Variants in ANK2 observed in about 807,000 individuals in gnomAD.
ANK2 encodes ankyrin-2.
In ANK2, 83 loss-of-function variants were observed where a neutral mutation model predicts 360.5. That is an observed-to-expected ratio of 0.23 (90% CI 0.19 to 0.28). The LOEUF (loss-of-function observed/expected upper bound fraction) is 0.28. Ranked by LOEUF, ANK2 falls within the 10% of genes least tolerant of loss-of-function variation. The pLI, the probability that ANK2 is intolerant of heterozygous loss-of-function variation, is 1.00. For synonymous variants in ANK2, 1,740 were observed against 1,759.5 expected (o/e 0.99, Z 0.28); for missense variants, 4,201 against 4,795.7 (o/e 0.88, Z 3.66).
chr4:112,826,770 C>T, intron 1 of ANK2: 1 of 957,070 alleles, frequency 1.0e-6, no homozygotes, highest in Non-Finnish European at 1.6e-6. Context: ...GCAAATTACT[C>T]TGCCTGGAAA....
chr4:113,380,695 A>G (rs546400490), intron 45 of ANK2, among the ~76,000 whole-genome samples: 2 of 152,330 alleles, frequency 1.3e-5, no homozygotes, highest in African/African-American at 4.8e-5. Flanking sequence ...TTCTCAAGTA[A>G]CCACCAGTCT....
chr4:113,138,453 A>G (rs192455727), intron 1 of ANK2, among the ~76,000 whole-genome samples: 9 of 152,348 alleles, frequency 5.9e-5, no homozygotes, highest in African/African-American at 2.2e-4. Context: ...ATAATAAATC[A>G]GGTTTAATTG....
chr4:113,177,770 C>T (rs2098272109), intron 2 of ANK2, among the ~76,000 whole-genome samples: 1 of 152,178 alleles, frequency 6.6e-6, no homozygotes, highest in African/African-American at 2.4e-5. Context: ...GAGAAGGCAA[C>T]ATGATCTCAT....
chr4:112,842,074 A>G (rs2062211983), intron 1 of ANK2, among the ~76,000 whole-genome samples: 1 of 151,666 alleles, frequency 6.6e-6, no homozygotes, highest in Non-Finnish European at 1.5e-5. Flanking sequence ...CAGTGATATG[A>G]TCTCAGCTCA....
At chr4:112,748,311 T>A in the ANK2 span, among the ~76,000 whole-genome samples, 2 of 152,230 alleles carry the variant, frequency 1.3e-5, no homozygotes, top group Middle Eastern at 3.4e-3. Context: ...ATGGCACAAA[T>A]GAAAAATCAA....
In ANK2 at chr4:113,292,912, G is replaced by A. The variant is rs150684282; in HGVS notation, c.2376+398G>A. On this transcript the variant is annotated intron_variant, in intron 21 of 45. Coordinates refer to ENST00000357077, the MANE Select transcript of ANK2 (RefSeq NM_001148.6). ...GGAGCCATTGAAATGTAAACTAAGC[G>A]GTGCAATTAAACGAACTGGGATCCC... is the stretch of plus-strand genomic sequence containing the variant. The A allele has an allele frequency of 1.7e-5, 6 of 357,974 alleles. No homozygotes were observed. In the East Asian group the frequency reaches 2.1e-4, roughly 13 times the overall value. 22.2% of individuals were successfully genotyped at this position (357,974 alleles called of 1,614,324 possible). A position where few individuals can be genotyped will look rare whatever the true frequency, so the allele number is the denominator to read the frequency against.
chr4:112,897,674 G>A (rs931537207), intron 1 of ANK2, among the ~76,000 whole-genome samples: 1 of 152,102 alleles, frequency 6.6e-6, no homozygotes, highest in African/African-American at 2.4e-5. Context: ...AGCTCTCCAT[G>A]CTGTGCATCT....
intron 1 of ANK2, among the ~76,000 whole-genome samples, chr4:113,072,765 T>TTTTTTTTTTTTTTTTTG (rs142762570): frequency 8.3e-6 from 1 of 121,196 alleles, no homozygotes; most frequent in Non-Finnish European, 1.8e-5. Context: ...TTTTTTTTTT[T>TTTTTTTTTTTTTTTTTG]GCTGTCTTGT....
chr4:113,023,030 T>C (rs778698404), intron 2 of ANK2, among the ~76,000 whole-genome samples: 6 of 152,152 alleles, frequency 3.9e-5, no homozygotes, highest in Non-Finnish European at 7.4e-5. Flanking sequence ...TGGGACCTAA[T>C]ACCTAGGTGA....
chr4:113,210,526 A>G (rs1381541241), intron 4 of ANK2, among the ~76,000 whole-genome samples: 3 of 152,228 alleles, frequency 2.0e-5, no homozygotes, highest in Non-Finnish European at 4.4e-5. Flanking sequence ...AGCACTGGTT[A>G]GAAGCAAGAA....
At chr4:113,251,298 G>A (rs759174079) in intron 10 of ANK2, among the ~76,000 whole-genome samples, 1 of 151,890 alleles carries the variant, frequency 6.6e-6, no homozygotes, top group Non-Finnish European at 1.5e-5. Context: ...TTTTTTTAAT[G>A]TCCTTCCTGT....
chr4:113,177,091 A>T (rs2098239122), intron 2 of ANK2, among the ~76,000 whole-genome samples: 2 of 152,160 alleles, frequency 1.3e-5, no homozygotes, highest in African/African-American at 4.8e-5. Flanking sequence ...AATATGGAAT[A>T]TTTAATACTT....
intron 1 of ANK2, among the ~76,000 whole-genome samples, chr4:112,862,262 G>C (rs941631751): frequency 1.3e-5 from 2 of 152,172 alleles, no homozygotes; most frequent in Admixed American, 6.5e-5. Flanking sequence ...GTGTTTGACA[G>C]ATTTAGGATA....
the ANK2 span, among the ~76,000 whole-genome samples, chr4:112,713,379 G>A: frequency 6.6e-6 from 1 of 152,182 alleles, no homozygotes; most frequent in African/African-American, 2.4e-5. Context: ...AGAGCAGCCT[G>A]ACCAACATGG....
At chr4:112,936,665 C>T (rs2093754896) in intron 2 of ANK2, among the ~76,000 whole-genome samples, 1 of 152,054 alleles carries the variant, frequency 6.6e-6, no homozygotes, top group Non-Finnish European at 1.5e-5. Context: ...TTTTTAAACT[C>T]GTTTTAGTCT....
chr4:113,040,147 A>G (rs182776927), intron 2 of ANK2, among the ~76,000 whole-genome samples: 1 of 152,170 alleles, frequency 6.6e-6, no homozygotes, highest in African/African-American at 2.4e-5. Context: ...GACTGAATGT[A>G]TAGTAGAGCA....
At chr4:113,106,555 C>A (rs2093648775) in intron 1 of ANK2, among the ~76,000 whole-genome samples, 1 of 152,134 alleles carries the variant, frequency 6.6e-6, no homozygotes, top group Admixed American at 6.5e-5. Flanking sequence ...CAGTCGTAAT[C>A]CTTAATGCTG....
intron 1 of ANK2, among the ~76,000 whole-genome samples, chr4:112,851,588 G>A (rs1031733479): frequency 4.0e-5 from 6 of 151,760 alleles, no homozygotes; most frequent in African/African-American, 1.5e-4. Context: ...TCCCTCATGT[G>A]CCATAGAGTC....
At chr4:113,365,231 G>A (rs756221336) in intron 41 of ANK2, 49 bp downstream of exon 41, 21 of 1,332,256 alleles carry the variant, frequency 1.6e-5, no homozygotes, top group Non-Finnish European at 2.1e-5. Context: ...GTGTGTGTGT[G>A]TTGTGTCTGT....
Sources: gnomAD v4.1 joint callset for allele counts (sites outside exome capture counted in the v4.1 genomes callset) on GRCh38, gnomAD v4.1.1 for gene constraint, MANE v1.5 for transcripts, NCBI Gene and HGNC (gene_info 2026-07-23, HGNC 2026-07-21) for gene names.